The following KIFAP3 variants were observed in gnomAD, a reference collection of about 807,000 sequenced individuals.
KIFAP3 encodes kinesin associated protein 3.
KIFAP3 carries 68 observed loss-of-function variants against 106.5 expected under a neutral mutation model. That is an observed-to-expected ratio of 0.64 (90% CI 0.53 to 0.78). KIFAP3 has a LOEUF of 0.78. Ranked by LOEUF, KIFAP3 falls within the 30% of genes least tolerant of loss-of-function variation. The probability of loss-of-function intolerance (pLI) is 0.00; values close to 1 mark genes in which losing one functional copy is unlikely to be tolerated. For synonymous variants in KIFAP3, 320 were observed against 311.5 expected, an observed-to-expected ratio of 1.03 and a Z score of -0.29; for missense variants, 780 against 941.8, an observed-to-expected ratio of 0.83 and a Z score of 2.25.
intron 10 of KIFAP3, among the ~76,000 whole-genome samples, chr1:169,996,726 G>A (rs16862905): frequency 6.6e-6 from 1 of 152,036 alleles, no homozygotes; most frequent in East Asian, 1.9e-4. Context: ...CATTCCTTAG[G>A]GCGAAGTACA....
intron 1 of KIFAP3, among the ~76,000 whole-genome samples, chr1:170,069,965 C>G (rs911535165): frequency 6.6e-6 from 1 of 151,954 alleles, no homozygotes; most frequent in African/African-American, 2.4e-5. Context: ...ATAAATTCAG[C>G]AAAGTTGGAG....
chr1:169,995,585 C>T (rs1342664266), intron 10 of KIFAP3, among the ~76,000 whole-genome samples: 3 of 151,944 alleles, frequency 2.0e-5, no homozygotes, highest in African/African-American at 7.2e-5. Flanking sequence ...AAATCAATAA[C>T]CAATATAAAA....
chr1:169,979,637 T>C (rs1229119080), intron 15 of KIFAP3, among the ~76,000 whole-genome samples: 1 of 152,082 alleles, frequency 6.6e-6, no homozygotes, highest in Non-Finnish European at 1.5e-5. Flanking sequence ...TGCCCAGTAT[T>C]GGAGGTGATG....
intron 19 of KIFAP3, among the ~76,000 whole-genome samples, chr1:169,930,914 C>CTTTT (rs151201224): frequency 3.0e-5 from 3 of 100,350 alleles, no homozygotes; most frequent in Admixed American, 1.1e-4. Context: ...ATTATTACTT[C>CTTTT]TTTTTTTTTT....
intron 10 of KIFAP3, among the ~76,000 whole-genome samples, chr1:170,012,157 T>C (rs771166672): frequency 2.0e-5 from 3 of 152,066 alleles, no homozygotes; most frequent in Non-Finnish European, 2.9e-5. Context: ...TAGATTATTA[T>C]AGAAAAGAAA....
rs548397803 is a variant in KIFAP3, at chr1:169,972,289, C to G, written c.1983+224G>C. Among the ~76,000 whole-genome samples, 6 of 151,974 alleles carry G rather than the reference C, an allele frequency of 3.9e-5. No individual in the cohort carries two copies. The East Asian group carries it at 1.2e-3, about 29-fold the overall frequency. ...CTGTGATGACATGTAGATCAGAACTCTGAATACCTGTAAAACATCTTTAAG... is the reference window on the plus strand; with the variant it reads ...CTGTGATGACATGTAGATCAGAACTGTGAATACCTGTAAAACATCTTTAAG... On this transcript the variant is annotated intron_variant, in intron 17 of 19. Coordinates refer to ENST00000361580, the MANE Select transcript of KIFAP3 (RefSeq NM_014970.4).
chr1:169,943,035 A>C (rs1246508432), intron 19 of KIFAP3, among the ~76,000 whole-genome samples: 1 of 151,846 alleles, frequency 6.6e-6, no homozygotes, highest in Non-Finnish European at 1.5e-5. Context: ...TTTCTCATTT[A>C]ATACAGCTTA....
chr1:169,962,448 A>G (rs577824596), intron 17 of KIFAP3, among the ~76,000 whole-genome samples: 52 of 152,306 alleles, frequency 3.4e-4, no homozygotes, highest in Non-Finnish European at 5.3e-4. Context: ...GCATGGATAG[A>G]AAATAAAAGG....
At chr1:169,981,484 A>C (rs1243637908) in intron 15 of KIFAP3, among the ~76,000 whole-genome samples, 2 of 152,208 alleles carry the variant, frequency 1.3e-5, no homozygotes, top group Non-Finnish European at 2.9e-5. Context: ...AAAGTATAAG[A>C]GTAGTGATGC....
At chr1:170,004,905 T>C (rs941037706) in intron 10 of KIFAP3, among the ~76,000 whole-genome samples, 2 of 151,628 alleles carry the variant, frequency 1.3e-5, no homozygotes, top group African/African-American at 4.8e-5. Context: ...GAAACTACCA[T>C]CAGAGTGAAC....
intron 10 of KIFAP3, among the ~76,000 whole-genome samples, chr1:170,006,066 G>A (rs1322224552): frequency 2.6e-5 from 4 of 151,984 alleles, no homozygotes; most frequent in Non-Finnish European, 5.9e-5. Context: ...TCTCTCATCT[G>A]ATTCTCAGAA....
intron 19 of KIFAP3, among the ~76,000 whole-genome samples, chr1:169,940,237 T>A (rs1353916526): frequency 6.6e-6 from 1 of 152,248 alleles, no homozygotes; most frequent in African/African-American, 2.4e-5. Flanking sequence ...CATGCTTCAG[T>A]TTTCTTAATA....
rs202203624 is a variant in KIFAP3, at chr1:169,983,364, A to G, written c.1412T>C (p.Leu471Pro). 6.2e-6 allele frequency: 10 copies of G among 1,606,728 alleles called. No individual in the cohort carries two copies. The highest frequency in any genetic ancestry group is 8.5e-6 in the Non-Finnish European group (10 of 1,175,602). The change falls in exon 13 of 20, where the codon CTC becomes CCC. Residue 471 changes from leucine to proline, a missense_variant. Physicochemically the swap from Leu to Pro is moderately conservative, Grantham distance 98 (BLOSUM62 -3). Around this residue, in one of 3 missense-constraint regions of KIFAP3, gnomAD observed 588 missense variants for 678.9 expected, o/e 0.87. Transcript: ENST00000361580. ...CTTAAACTTCAGAGCCCTCTTCATG[A>G]GCATCTTCAGCCCATTTCCTGAAAC... ...LICEGNGLKM[L>P]MKRALKFKDP...
chr1:169,950,100 T>C (rs1664652287), intron 19 of KIFAP3, among the ~76,000 whole-genome samples: 1 of 152,146 alleles, frequency 6.6e-6, no homozygotes, highest in South Asian at 2.1e-4. Context: ...TCTCAGATTT[T>C]AATACATTCA....
intron 2 of KIFAP3, among the ~76,000 whole-genome samples, chr1:170,048,412 T>C (rs1281365945): frequency 2.0e-5 from 3 of 151,782 alleles, no homozygotes; most frequent in Non-Finnish European, 4.4e-5. Flanking sequence ...AGAGAAAAAC[T>C]CTAAAAAGAC....
At chr1:169,982,593 T>C (rs760830188) in intron 14 of KIFAP3, 109 bp downstream of exon 14, 8 of 645,628 alleles carry the variant, frequency 1.2e-5, no homozygotes, top group Non-Finnish European at 2.0e-5. Flanking sequence ...TGAGAAGAAA[T>C]GGCTTTTCCT....
chr1:170,049,263 G>T (rs1670447892), intron 2 of KIFAP3, among the ~76,000 whole-genome samples: 1 of 152,208 alleles, frequency 6.6e-6, no homozygotes, highest in Non-Finnish European at 1.5e-5. Context: ...AGGCCAGACT[G>T]CTTCTCTATA....
At chr1:170,056,625 T>A (rs1670865728) in intron 1 of KIFAP3, among the ~76,000 whole-genome samples, 1 of 152,192 alleles carries the variant, frequency 6.6e-6, no homozygotes, top group African/African-American at 2.4e-5. Context: ...AATTAGAAAC[T>A]CAAAGCTTTT....
intron 3 of KIFAP3, among the ~76,000 whole-genome samples, chr1:170,042,409 CTG>C (rs963291035): frequency 1.3e-5 from 2 of 152,328 alleles, no homozygotes; most frequent in African/African-American, 4.8e-5. Flanking sequence ...CCTGATCTCT[CTG>C]TGTGAAATCT....
Sources: allele counts gnomAD v4.1 joint callset (sites outside exome capture counted in the v4.1 genomes callset), GRCh38; gene constraint gnomAD v4.1.1; regional missense constraint gnomAD v4.1.1; transcripts MANE v1.5; gene names NCBI Gene and HGNC (gene_info 2026-07-23, HGNC 2026-07-21).